The following L3MBTL4 variants were observed in gnomAD, a reference collection of about 807,000 sequenced individuals.
The protein encoded by L3MBTL4 is L3MBTL histone methyl-lysine binding protein 4, also known as lethal(3)malignant brain tumor-like protein 4.
Under a neutral mutation model 84.5 loss-of-function variants are expected in L3MBTL4, and 70 were observed. The observed-to-expected ratio is 0.83, with a 90% CI of 0.68 to 1.01. The LOEUF (loss-of-function observed/expected upper bound fraction) is 1.01. Ranked by LOEUF, L3MBTL4 falls within the 50% of genes least tolerant of loss-of-function variation. The probability of loss-of-function intolerance (pLI) is 0.00; values close to 1 mark genes in which losing one functional copy is unlikely to be tolerated. For synonymous variants in L3MBTL4, 274 were observed against 259.8 expected (o/e 1.05, Z -0.52); for missense variants, 715 against 754.8 (o/e 0.95, Z 0.62).
chr18:6,250,800 CA>C (rs1374150402), intron 5 of L3MBTL4, among the ~76,000 whole-genome samples: 2 of 152,176 alleles, frequency 1.3e-5, no homozygotes, highest in Admixed American at 6.5e-5. Context: ...ATGCAGATGA[CA>C]AAAACAAAAT....
chr18:6,359,903 A>G (rs891489227), intron 1 of L3MBTL4, among the ~76,000 whole-genome samples: 1 of 152,148 alleles, frequency 6.6e-6, no homozygotes, highest in Admixed American at 6.5e-5. Context: ...TGAATTGGAA[A>G]GTCATGGTCT....
intron 1 of L3MBTL4, among the ~76,000 whole-genome samples, chr18:6,334,980 T>C (rs1216850164): frequency 6.6e-6 from 1 of 152,200 alleles, no homozygotes; most frequent in Admixed American, 6.5e-5. Flanking sequence ...AAAAAAAGCA[T>C]GTACCAAGAC....
intron 12 of L3MBTL4, among the ~76,000 whole-genome samples, chr18:6,194,392 A>G (rs2045280477): frequency 6.6e-6 from 1 of 152,184 alleles, no homozygotes; most frequent in Non-Finnish European, 1.5e-5. Context: ...TGAACACAAC[A>G]TGTAGGCTGC....
chr18:5,986,369 G>A (rs1048911128), intron 16 of L3MBTL4, among the ~76,000 whole-genome samples: 4 of 152,100 alleles, frequency 2.6e-5, no homozygotes, highest in Admixed American at 6.6e-5. Flanking sequence ...AATCAAACCC[G>A]GAACCTGACT....
At chr18:6,323,991 C>T (rs906116366) in intron 1 of L3MBTL4, among the ~76,000 whole-genome samples, 2 of 152,250 alleles carry the variant, frequency 1.3e-5, no homozygotes, top group African/African-American at 4.8e-5. Flanking sequence ...GCCTCTGCTG[C>T]CCTGTGCAGC....
chr18:6,253,288 T>G (rs528416864), intron 5 of L3MBTL4, among the ~76,000 whole-genome samples: 1 of 152,346 alleles, frequency 6.6e-6, no homozygotes, highest in African/African-American at 2.4e-5. Context: ...CTCACAGTTG[T>G]TCACAAATTG....
intron 16 of L3MBTL4, among the ~76,000 whole-genome samples, chr18:6,058,005 T>C (rs567298225): frequency 6.6e-6 from 1 of 152,340 alleles, no homozygotes; most frequent in South Asian, 2.1e-4. Flanking sequence ...TTTGTAATAA[T>C]CAACATGACT....
intron 16 of L3MBTL4, among the ~76,000 whole-genome samples, chr18:5,977,286 C>T (rs613458): frequency 0.67 from 102,330 of 152,148 alleles, 35,270 homozygotes; most frequent in African/African-American, 0.83. Context: ...CCTCCGTCTC[C>T]TCATGGTTTC....
chr18:6,340,238 C>T (rs2052543600), intron 1 of L3MBTL4, among the ~76,000 whole-genome samples: 1 of 152,148 alleles, frequency 6.6e-6, no homozygotes, highest in Non-Finnish European at 1.5e-5. Flanking sequence ...CCAATTTTGG[C>T]AACTATCCAC....
chr18:6,123,605 C>T (rs1433337634), intron 14 of L3MBTL4, among the ~76,000 whole-genome samples: 4 of 152,192 alleles, frequency 2.6e-5, no homozygotes, highest in Admixed American at 6.5e-5. Context: ...GTCCATTAAA[C>T]CTCCTTTTCT....
intron 1 of L3MBTL4, among the ~76,000 whole-genome samples, chr18:6,345,270 G>A (rs11874119): frequency 0.2 from 28,874 of 146,900 alleles, 3,594 homozygotes; most frequent in African/African-American, 0.36. Flanking sequence ...GGCAGCATGC[G>A]CCTGTAGTCC....
At chr18:6,171,227 G>A (rs2093180303) in intron 13 of L3MBTL4, among the ~76,000 whole-genome samples, 1 of 152,152 alleles carries the variant, frequency 6.6e-6, no homozygotes, top group South Asian at 2.1e-4. Context: ...GTCTGGAACT[G>A]GTTATTAGTC....
chr18:6,088,359 A>G (rs1013791332), intron 15 of L3MBTL4, among the ~76,000 whole-genome samples: 1 of 152,200 alleles, frequency 6.6e-6, no homozygotes, highest in African/African-American at 2.4e-5. Context: ...AGGTATTGCA[A>G]TAAGTGTTAG....
intron 1 of L3MBTL4, among the ~76,000 whole-genome samples, chr18:6,329,223 G>A (rs1022057220): frequency 6.9e-6 from 1 of 145,268 alleles, no homozygotes; most frequent in African/African-American, 2.6e-5. Context: ...GTGCGATCTC[G>A]GCTCACTGCA....
At position 5,974,359 on chromosome 18, in the gene L3MBTL4, G is replaced by A. The variant is rs534300929; in HGVS notation, c.1445-4797C>T. 1.8e-3 allele frequency among the ~76,000 whole-genome samples: 280 copies of A among 152,318 alleles called. 3 individuals are homozygous for A. Among genetic ancestry groups the A allele is most frequent in the Admixed American group, 6.4e-3 (98 of 15,308 alleles). On this transcript the variant is annotated intron_variant, in intron 16 of 18. Transcript: ENST00000317931. Reference sequence around the variant, plus strand: ...TGGAAGACTTGGCCATGGATCTTGAGTCTAGCAGCACTCAGAGAGGAGTAA... The same window carrying A: ...TGGAAGACTTGGCCATGGATCTTGAATCTAGCAGCACTCAGAGAGGAGTAA...
intron 14 of L3MBTL4, among the ~76,000 whole-genome samples, chr18:6,132,339 C>T (rs1204701797): frequency 6.6e-6 from 1 of 152,070 alleles, no homozygotes; most frequent in Non-Finnish European, 1.5e-5. Flanking sequence ...GTACTCATTG[C>T]CTTTCATTTT....
chr18:6,289,126 G>C (rs1599497478), intron 4 of L3MBTL4, among the ~76,000 whole-genome samples: 2 of 152,132 alleles, frequency 1.3e-5, no homozygotes, highest in East Asian at 3.9e-4. Flanking sequence ...AAAATTGTAG[G>C]ACTGAGACTG....
intron 13 of L3MBTL4, among the ~76,000 whole-genome samples, chr18:6,157,089 C>T (rs1026820346): frequency 2.6e-5 from 4 of 152,104 alleles, no homozygotes; most frequent in Non-Finnish European, 2.9e-5. Context: ...ATTTTTTTCT[C>T]GATAAGTCTA....
intron 1 of L3MBTL4, among the ~76,000 whole-genome samples, chr18:6,388,504 C>T (rs2144484612): frequency 6.6e-6 from 1 of 152,226 alleles, no homozygotes; most frequent in African/African-American, 2.4e-5. Context: ...CAGCTGAGTT[C>T]AGAAAACTAC....
Sources: gnomAD v4.1 joint callset for allele counts (sites outside exome capture counted in the v4.1 genomes callset) on GRCh38, gnomAD v4.1.1 for gene constraint, MANE v1.5 for transcripts, NCBI Gene and HGNC (gene_info 2026-07-23, HGNC 2026-07-21) for gene names.